The following CD2AP variants were observed in gnomAD, a reference collection of about 807,000 sequenced individuals.
CD2AP encodes the protein CD2 associated protein.
Under a neutral mutation model 85.1 loss-of-function variants are expected in CD2AP, and 46 were observed. The ratio of observed to expected loss-of-function variants is 0.54; its 90% CI spans 0.43 to 0.69. The LOEUF (loss-of-function observed/expected upper bound fraction) is 0.69, where lower values mean the gene tolerates loss of function less well. CD2AP is among the 30% of genes least tolerant of loss of function. CD2AP has a pLI of 0.00. For missense variants in CD2AP, 769 were observed against 729.5 expected, an observed-to-expected ratio of 1.05 and a Z score of -0.62; for synonymous variants, 255 against 252.9, an observed-to-expected ratio of 1.01 and a Z score of -0.08.
rs1766235203 is a variant in CD2AP, at chr6:47,508,534, C to CTTTTTTTTTTGTTTTTTTTTTT, written c.165+5104_165+5105insGTTTTTTTTTTTTTTTTTTTTT. 3.1e-5 allele frequency among the ~76,000 whole-genome samples: 4 copies of CTTTTTTTTTTGTTTTTTTTTTT among 129,408 alleles called. 1 individual carries two copies. The highest frequency in any genetic ancestry group is 1.6e-5 in the Non-Finnish European group (1 of 62,330). The allele number at this position is 129,408 out of a possible 152,430, so 84.9% of individuals were successfully genotyped here. A position where few individuals can be genotyped will look rare whatever the true frequency, so the allele number is the denominator to read the frequency against. On this transcript the variant is annotated intron_variant, in intron 2 of 17. Coordinates refer to ENST00000359314, the MANE Select transcript of CD2AP (RefSeq NM_012120.3). ...CTAATGACTCAAACTTTCTTTCTTT[C>CTTTTTTTTTTGTTTTTTTTTTT]TTTTTTTTTTTGTTTTTTTTTTTTT...
intron 13 of CD2AP, among the ~76,000 whole-genome samples, chr6:47,604,730 G>A (rs1414935943): frequency 1.3e-5 from 2 of 151,596 alleles, no homozygotes; most frequent in Admixed American, 6.6e-5. Context: ...AAATTCAACC[G>A]CCTTCAGATT....
intron 5 of CD2AP, among the ~76,000 whole-genome samples, chr6:47,557,734 A>G (rs1767735676): frequency 6.6e-6 from 1 of 152,072 alleles, no homozygotes; most frequent in Middle Eastern, 3.2e-3. Context: ...GTAGCCTTGT[A>G]GTATAGTTTG....
At chr6:47,607,518 C>T (rs1393707698) in intron 14 of CD2AP, among the ~76,000 whole-genome samples, 2 of 151,918 alleles carry the variant, frequency 1.3e-5, no homozygotes, top group African/African-American at 2.4e-5. Flanking sequence ...GGTAATAACT[C>T]GTAGTTTTGA....
chr6:47,556,769 G>A (rs1767704630), intron 5 of CD2AP, among the ~76,000 whole-genome samples: 1 of 152,108 alleles, frequency 6.6e-6, no homozygotes, highest in African/African-American at 2.4e-5. Flanking sequence ...TTGTTAAATA[G>A]TGCTGCATTA....
intron 1 of CD2AP, among the ~76,000 whole-genome samples, chr6:47,487,614 C>G (rs879841620): frequency 6.6e-6 from 1 of 152,058 alleles, no homozygotes. Context: ...GGCATGAACC[C>G]GGGAGGTGGA....
At chr6:47,481,335 G>A (rs994485175) in intron 1 of CD2AP, among the ~76,000 whole-genome samples, 5 of 151,956 alleles carry the variant, frequency 3.3e-5, no homozygotes, top group African/African-American at 4.8e-5. Flanking sequence ...GTCATGTGGT[G>A]GTGTTTTTTT....
chr6:47,528,020 T>G (rs1766774394), intron 2 of CD2AP, among the ~76,000 whole-genome samples: 1 of 152,240 alleles, frequency 6.6e-6, no homozygotes, highest in Non-Finnish European at 1.5e-5. Flanking sequence ...ATATGTGGTG[T>G]TGTAAAATTG....
Position 47,574,660 on chromosome 6 carries a change from T to C in CD2AP, c.729+409T>C, listed in dbSNP as rs557635635. ...GTTTTTAAAATGGATTTAGAAAATA[T>C]TAAATTACTTGATATTTTGGCACTA... On this transcript the variant is annotated intron_variant, in intron 6 of 17. Transcript: ENST00000359314. 1.1e-4 allele frequency among the ~76,000 whole-genome samples: 16 copies of C among 151,396 alleles called. No homozygotes were observed. In the East Asian group the frequency reaches 2.1e-3, roughly 20 times the overall value.
In CD2AP at chr6:47,609,529, AAAG is replaced by A. The variant is rs752432210; in HGVS notation, c.1814+228_1814+230del. On this transcript the variant is annotated intron_variant, in intron 16 of 17. Transcript: ENST00000359314. ...CCATCTTTGCAAAAAAAAAAAAAAA[AAAG>A]AAAAGAAAAGAAAAGAAAAAGCCAG... is the stretch of plus-strand genomic sequence containing the variant. The A allele has an allele frequency of 1.5e-4, 51 of 347,010 alleles. No individual in the cohort carries two copies. The South Asian group carries it at 1.5e-3, about 10-fold the overall frequency. 21.5% of individuals were successfully genotyped at this position (347,010 alleles called of 1,614,324 possible). A position where few individuals can be genotyped will look rare whatever the true frequency, so the allele number is the denominator to read the frequency against.
rs539336655 is a variant in CD2AP at position 47,529,846 on chromosome 6, A to G, written c.166-3756A>G. Among the ~76,000 whole-genome samples, 9 of 152,338 alleles carry G rather than the reference A, an allele frequency of 5.9e-5. No individual in the cohort carries two copies. The South Asian group carries it at 1.7e-3, about 28-fold the overall frequency. ...TGCCTACCCAGACTCAGAGAGCTTTATATCAGCCGTCTGCTCGCCTTGCTA... is the reference window on the plus strand; with the variant it reads ...TGCCTACCCAGACTCAGAGAGCTTTGTATCAGCCGTCTGCTCGCCTTGCTA... On this transcript the variant is annotated intron_variant, in intron 2 of 17. Coordinates refer to ENST00000359314, the MANE Select transcript of CD2AP (RefSeq NM_012120.3).
chr6:47,563,443 GA>G (rs778236695), intron 5 of CD2AP, among the ~76,000 whole-genome samples: 25 of 152,288 alleles, frequency 1.6e-4, no homozygotes, highest in Admixed American at 3.3e-4. Context: ...AAGAGGCAGG[GA>G]AAAAGAAGGA....
intron 2 of CD2AP, among the ~76,000 whole-genome samples, chr6:47,517,027 T>TG (rs1210270636): frequency 6.6e-6 from 1 of 152,040 alleles, no homozygotes; most frequent in Non-Finnish European, 1.5e-5. Flanking sequence ...GATTGACCCA[T>TG]GGGGGCTGAT....
At chr6:47,579,265 G>T in intron 8 of CD2AP, 120 bp from the exon 9 acceptor site, 3 of 666,188 alleles carry the variant, frequency 4.5e-6, no homozygotes, top group Non-Finnish European at 8.1e-6. Context: ...AGCCCAGGAG[G>T]TTGAGGCTGC....
intron 5 of CD2AP, chr6:47,562,865 A>C (rs1767898223): frequency 1.2e-6 from 1 of 810,770 alleles, no homozygotes; most frequent in South Asian, 1.3e-5. Context: ...GTTGATGACA[A>C]CAAGCAACTG....
At chr6:47,608,108 C>A in intron 15 of CD2AP, 80 bp downstream of exon 15, 1 of 971,640 alleles carries the variant, frequency 1.0e-6, no homozygotes, top group Non-Finnish European at 1.6e-6. Context: ...TTAAGGTGTT[C>A]TTTAGGACGA....
chr6:47,505,887 CCGGGCGGGGGGCTGA>C (rs1766145642), intron 2 of CD2AP, among the ~76,000 whole-genome samples: 1 of 115,834 alleles, frequency 8.6e-6, no homozygotes, highest in African/African-American at 3.6e-5. Context: ...GGGCGGCTGG[CCGGGCGGGGGGCTGA>C]CCCCCCCCAC....
intron 5 of CD2AP, 148 bp downstream of exon 5, chr6:47,554,914 G>A: frequency 1.6e-6 from 1 of 639,420 alleles, no homozygotes; most frequent in Non-Finnish European, 2.6e-6. Flanking sequence ...AATTATGATG[G>A]GGACCTAACT....
intron 1 of CD2AP, among the ~76,000 whole-genome samples, chr6:47,495,444 A>T (rs1219694648): frequency 6.6e-6 from 1 of 152,122 alleles, no homozygotes; most frequent in Non-Finnish European, 1.5e-5. Context: ...TGATACCTTG[A>T]TTTTGCCCTC....
rs1478516499 is a variant in CD2AP at position 47,625,470 on chromosome 6, A to G, written c.*1243A>G. 1 of 151,978 alleles carries G rather than the reference A, an allele frequency of 6.6e-6. No individual in the cohort carries two copies. Among genetic ancestry groups the G allele is most frequent in the Admixed American group, 6.5e-5 (1 of 15,272 alleles). The allele number at this position is 151,978 out of a possible 1,614,324, so 9.4% of individuals were successfully genotyped here. A position where few individuals can be genotyped will look rare whatever the true frequency, so the allele number is the denominator to read the frequency against. ...GAATGGATGAATTAGTTGTTTCTTC[A>G]GAGTTACTTATGAACAGTTGAATGC... is the stretch of plus-strand genomic sequence containing the variant. On this transcript the variant is annotated 3_prime_UTR_variant, in exon 18 of 18. Coordinates refer to ENST00000359314, the MANE Select transcript of CD2AP (RefSeq NM_012120.3).
Sources: gnomAD v4.1 joint callset for allele counts (sites outside exome capture counted in the v4.1 genomes callset) on GRCh38, gnomAD v4.1.1 for gene constraint, MANE v1.5 for transcripts, NCBI Gene and HGNC (gene_info 2026-07-23, HGNC 2026-07-21) for gene names.